NAT8L: variants seen among roughly 807,000 people sequenced by gnomAD.
The protein encoded by NAT8L is aspartate N-acetyltransferase.
Under a neutral mutation model 21.2 loss-of-function variants are expected in NAT8L, and 6 were observed. The ratio of observed to expected loss-of-function variants is 0.28; its 90% confidence interval spans 0.16 to 0.56. The LOEUF is 0.56. Among genes scored for constraint, NAT8L ranks in the 20% least tolerant of loss-of-function variants. The pLI is 0.93. For synonymous variants in NAT8L, 239 were observed against 204.9 expected (o/e 1.17, Z -1.42); for missense variants, 331 against 433.3 (o/e 0.76, Z 2.10).
rs1233537705 is a variant in NAT8L at position 2,060,023 on chromosome 4, C to T, written c.376+136C>T. The T allele has an allele frequency of 7.2e-6, 3 of 416,956 alleles. No individual in the cohort carries two copies. Among genetic ancestry groups the T allele is most frequent in the African/African-American group, 2.1e-5 (1 of 46,644 alleles). 25.8% of individuals were successfully genotyped at this position (416,956 alleles called of 1,614,324 possible). A position where few individuals can be genotyped will look rare whatever the true frequency, so the allele number is the denominator to read the frequency against. ...GCCCCCCGCTTTCTGCCGCGCCGGG[C>T]CCCGCGCAGGGCTGGCTATGGGCGT... On this transcript the variant is annotated intron_variant, in intron 1 of 2. Transcript: ENST00000423729. The surrounding 1 kb of genome is among the most constrained non-coding windows in gnomAD (Gnocchi z 4.7).
Position 2,066,191 on chromosome 4 carries a change from ATCCT to A in NAT8L, c.*2065_*2068del. The stretch of plus-strand genomic sequence containing the variant: ...GACTGCCAGTGTCTCCTTGATATTG[ATCCT>A]AGCAGATCCCCCTCCTGGGGGTTCT... On this transcript the variant is annotated 3_prime_UTR_variant, in exon 3 of 3. Coordinates refer to ENST00000423729, the MANE Select transcript of NAT8L (RefSeq NM_178557.4). 6.6e-6 allele frequency: 1 copy of A among 152,128 alleles called. No individual in the cohort carries two copies. Among genetic ancestry groups the A allele is most frequent in the Admixed American group, 6.5e-5 (1 of 15,280 alleles). The allele number at this position is 152,128 out of a possible 1,614,324, so 9.4% of individuals were successfully genotyped here.
intron 2 of NAT8L, among the ~76,000 whole-genome samples, chr4:2,063,403 C>T (rs1269090360): frequency 2.0e-5 from 3 of 152,258 alleles, no homozygotes; most frequent in Admixed American, 2.0e-4. Flanking sequence ...TGCCCCAGCT[C>T]TTGGTCTCAG....
In NAT8L at chr4:2,065,259, C is replaced by T. The variant is rs1006038693; in HGVS notation, c.*1132C>T. 1 of 152,140 alleles carries T rather than the reference C, an allele frequency of 6.6e-6. No homozygotes were observed. Among genetic ancestry groups the T allele is most frequent in the Non-Finnish European group, 1.5e-5 (1 of 68,054 alleles). 9.4% of individuals were successfully genotyped at this position (152,140 alleles called of 1,614,324 possible). ...TCCTGCCATGGAGCACGCCTCCCAG[C>T]CCTGGCCTGCAGTGTGGGCAGGGTG... On this transcript the variant is annotated 3_prime_UTR_variant, in exon 3 of 3. Transcript: ENST00000423729.
rs952900656 is a variant in NAT8L at position 2,065,072 on chromosome 4, T to C, written c.*945T>C. 2 of 152,572 alleles carry C rather than the reference T, an allele frequency of 1.3e-5. No homozygotes were observed. The highest frequency in any genetic ancestry group is 4.8e-5 in the African/African-American group (2 of 41,466). The allele number at this position is 152,572 out of a possible 1,614,324, so 9.5% of individuals were successfully genotyped here. ...AACCAACACATTTTCTAATAAGTTATTTAGACAGAATAGCACTCTGCATGA... is the reference window on the plus strand; with the variant it reads ...AACCAACACATTTTCTAATAAGTTACTTAGACAGAATAGCACTCTGCATGA... On this transcript the variant is annotated 3_prime_UTR_variant, in exon 3 of 3. Coordinates refer to ENST00000423729, the MANE Select transcript of NAT8L (RefSeq NM_178557.4).
chr4:2,062,598 G>A (rs1729914469), intron 2 of NAT8L, among the ~76,000 whole-genome samples: 1 of 152,082 alleles, frequency 6.6e-6, no homozygotes, highest in Non-Finnish European at 1.5e-5. Flanking sequence ...CTGTGGCGAT[G>A]GCAGCGGTGC....
At chr4:2,063,686 T>G in intron 2 of NAT8L, 74 bp from the exon 3 acceptor site, 5 of 1,598,412 alleles carry the variant, frequency 3.1e-6, no homozygotes, top group Non-Finnish European at 4.2e-6. Context: ...CCAAGGGCCC[T>G]GTCTCACCCC....
Position 2,063,968 on chromosome 4 carries a change from C to A in NAT8L, c.750C>A (p.Ala250=). The change falls in exon 3 of 3, where the codon GCC becomes GCA. Residue 250 remains alanine, a synonymous_variant. Transcript: ENST00000423729. The part of the protein sequence containing the change: ...NYSAVVLGTT[A]VKVAAHKLYE... ...CCGCGGTGGTGCTGGGCACGACGGCCGTCAAGGTGGCCGCCCACAAGCTCT... is the reference window on the plus strand; with the variant it reads ...CCGCGGTGGTGCTGGGCACGACGGCAGTCAAGGTGGCCGCCCACAAGCTCT... 1 of 1,611,646 alleles carries A rather than the reference C, an allele frequency of 6.2e-7. No individual in the cohort carries two copies. Among genetic ancestry groups the A allele is most frequent in the Non-Finnish European group, 8.5e-7 (1 of 1,179,460 alleles).
At position 2,067,686 on chromosome 4, in the gene NAT8L, G is replaced by C. The variant is rs1156496493; in HGVS notation, c.*3559G>C. On this transcript the variant is annotated 3_prime_UTR_variant, in exon 3 of 3. Coordinates refer to ENST00000423729, the MANE Select transcript of NAT8L (RefSeq NM_178557.4). ...CCGAAGGTGGTTGCCCCGCCGGGCA[G>C]GGGGCTGTGTGGGCCCTCGTGGGGC... The C allele has an allele frequency of 4.6e-5, 7 of 152,326 alleles. No homozygotes were observed. The highest frequency in any genetic ancestry group is 1.7e-4 in the African/African-American group (7 of 41,464). 9.4% of individuals were successfully genotyped at this position (152,326 alleles called of 1,614,324 possible).
chr4:2,059,907 G>C lies in NAT8L; in HGVS notation c.376+20G>C. ...TGGCGGGTCAGTGCGCCGGGCCCCC[G>C]GCTGCCGCAGTCCCTCGGGCCGGCG... is the stretch of plus-strand genomic sequence containing the variant. On this transcript the variant is annotated intron_variant, in intron 1 of 2. Transcript: ENST00000423729. The surrounding 1 kb of genome is among the most constrained non-coding windows in gnomAD (Gnocchi z 4.8). 3 of 1,253,102 alleles carry C rather than the reference G, an allele frequency of 2.4e-6. No individual in the cohort carries two copies. The highest frequency in any genetic ancestry group is 3.0e-6 in the Non-Finnish European group (3 of 988,738). 77.6% of individuals were successfully genotyped at this position (1,253,102 alleles called of 1,614,324 possible). A position where few individuals can be genotyped will look rare whatever the true frequency, so the allele number is the denominator to read the frequency against.
Position 2,060,984 on chromosome 4 carries a change from C to T in NAT8L, c.377-14C>T. 1 of 1,472,690 alleles carries T rather than the reference C, an allele frequency of 6.8e-7. No individual in the cohort carries two copies. The highest frequency in any genetic ancestry group is 1.4e-5 in the African/African-American group (1 of 70,606). 91.2% of individuals were successfully genotyped at this position (1,472,690 alleles called of 1,614,324 possible). A position where few individuals can be genotyped will look rare whatever the true frequency, so the allele number is the denominator to read the frequency against. On this transcript the variant is annotated splice_polypyrimidine_tract_variant and intron_variant, in intron 1 of 2. Coordinates refer to ENST00000423729, the MANE Select transcript of NAT8L (RefSeq NM_178557.4). The surrounding 1 kb of genome is among the most constrained non-coding windows in gnomAD (Gnocchi z 4.7). ...ACCCCCGCCGCGCCGCTGACCCGCG[C>T]CCTCTGCCCCCAGCGCTGTGCTTCG... is the stretch of plus-strand genomic sequence containing the variant.
In NAT8L at chr4:2,064,572, G is replaced by T. The variant is rs533071420; in HGVS notation, c.*445G>T. ...GCTGGCCACGGCGCTGCTTTGCTCC[G>T]CGCATGCCGAGGGTGTGGCCCGGCT... is the stretch of plus-strand genomic sequence containing the variant. On this transcript the variant is annotated 3_prime_UTR_variant, in exon 3 of 3. Transcript: ENST00000423729. 1 of 153,570 alleles carries T rather than the reference G, an allele frequency of 6.5e-6. No homozygotes were observed. The highest frequency in any genetic ancestry group is 1.9e-4 in the East Asian group (1 of 5,176). 9.5% of individuals were successfully genotyped at this position (153,570 alleles called of 1,614,324 possible).
At chr4:2,063,041 C>T (rs1053832679) in intron 2 of NAT8L, among the ~76,000 whole-genome samples, 8 of 152,250 alleles carry the variant, frequency 5.3e-5, no homozygotes, top group African/African-American at 1.9e-4. Flanking sequence ...GGCTTCGTGC[C>T]TGACTCGAGG....
In NAT8L at chr4:2,059,710, G is replaced by C. The variant is rs1729814588; in HGVS notation, c.199G>C (p.Ala67Pro). Residue 67 changes from alanine (A) to proline (P), a missense_variant, in exon 1 of 3, where the codon GCG becomes CCG. This residue lies in a region of NAT8L where 199 missense variants were observed against 196.1 expected (regional missense o/e 1.01). Coordinates refer to ENST00000423729, the MANE Select transcript of NAT8L (RefSeq NM_178557.4). This position sits in a 1 kb window ranked among gnomAD's most constrained non-coding sequence, Gnocchi z 4.8. ...CCCGGTGGCTCAGCCTCACGGCGGG[G>C]CGGGGGGCGCGGGGCCGCCGGGGGG... ...PAPVAQPHGG[A>P]GGAGPPGGRG... 1 of 1,106,502 alleles carries C rather than the reference G, an allele frequency of 9.0e-7. No homozygotes were observed. The allele number at this position is 1,106,502 out of a possible 1,614,324, so 68.5% of individuals were successfully genotyped here.
Position 2,061,290 on chromosome 4 carries a change from C to T in NAT8L, c.541+128C>T, listed in dbSNP as rs371574519. On this transcript the variant is annotated intron_variant, in intron 2 of 2. Coordinates refer to ENST00000423729, the MANE Select transcript of NAT8L (RefSeq NM_178557.4). ...TGGGCCTGAGCCGGGGCCCCTGTGACCTGAGCCTTCTGGGTGACCGAGGCC... is the reference window on the plus strand; with the variant it reads ...TGGGCCTGAGCCGGGGCCCCTGTGATCTGAGCCTTCTGGGTGACCGAGGCC... 1.1e-5 allele frequency: 16 copies of T among 1,488,422 alleles called. 1 individual carries two copies. Among genetic ancestry groups the T allele is most frequent in the East Asian group, 1.0e-4 (4 of 40,056 alleles). 92.2% of individuals were successfully genotyped at this position (1,488,422 alleles called of 1,614,324 possible).
chr4:2,063,708 G>A, intron 2 of NAT8L, 52 bp from the exon 3 acceptor site: 2 of 1,602,898 alleles, frequency 1.2e-6, no homozygotes, highest in Non-Finnish European at 1.7e-6. Flanking sequence ...GAGGTGGAGG[G>A]GTCTCCCCAG....
intron 2 of NAT8L, among the ~76,000 whole-genome samples, chr4:2,061,580 T>G (rs1577666675): frequency 1.3e-5 from 2 of 148,702 alleles, no homozygotes; most frequent in African/African-American, 2.5e-5. Context: ...GAGGATGGGG[T>G]GGGGGCAGGG....
At position 2,063,613 on chromosome 4, in the gene NAT8L, C is replaced by T. The variant is rs899062037; in HGVS notation, c.542-147C>T. The T allele has an allele frequency of 3.6e-5, 53 of 1,460,216 alleles. No individual in the cohort carries two copies. The South Asian group carries it at 4.0e-4, about 11-fold the overall frequency. The allele number at this position is 1,460,216 out of a possible 1,614,324, so 90.5% of individuals were successfully genotyped here. ...TCCAGCAGAGCTGGTAGCTAGGCCC[C>T]GGGGGCTGCCGGGATTGGGTGTCCC... On this transcript the variant is annotated intron_variant, in intron 2 of 2. Coordinates refer to ENST00000423729, the MANE Select transcript of NAT8L (RefSeq NM_178557.4).
rs779455204 is a variant in NAT8L at position 2,064,105 on chromosome 4, G to A, written c.887G>A (p.Arg296His). The A allele has an allele frequency of 2.8e-5, 44 of 1,596,560 alleles. No homozygotes were observed. Among genetic ancestry groups the A allele is most frequent in the East Asian group, 6.8e-5 (3 of 44,420 alleles). ...TTCCAGGTCCGCTACCACCGCTACCGCCTGCAGCTGCGCGAGGAGTGACCG... is the reference window on the plus strand; with the variant it reads ...TTCCAGGTCCGCTACCACCGCTACCACCTGCAGCTGCGCGAGGAGTGACCG... Reference protein sequence around the residue: ...LFFQVRYHRYRLQLREE With the variant: ...LFFQVRYHRYHLQLREE Residue 296 changes from arginine (R) to histidine (H), a missense_variant, in exon 3 of 3, where the codon CGC becomes CAC. Transcript: ENST00000423729.
In NAT8L at chr4:2,060,908, G is replaced by C. The variant is rs756200460; in HGVS notation, c.377-90G>C. On this transcript the variant is annotated intron_variant, in intron 1 of 2. Transcript: ENST00000423729. The surrounding 1 kb of genome is among the most constrained non-coding windows in gnomAD (Gnocchi z 4.7). ...GCTCCTCCACCAGGAGCGCGGCCGGGCGCGGCGTCCCTAGCGGGCTTCGCC... is the reference window on the plus strand; with the variant it reads ...GCTCCTCCACCAGGAGCGCGGCCGGCCGCGGCGTCCCTAGCGGGCTTCGCC... The C allele has an allele frequency of 1.3e-4, 74 of 579,526 alleles. No individual in the cohort carries two copies. Among genetic ancestry groups the C allele is most frequent in the Non-Finnish European group, 1.5e-4 (55 of 358,734 alleles). The allele number at this position is 579,526 out of a possible 1,614,324, so 35.9% of individuals were successfully genotyped here.
Sources: gnomAD v4.1 joint callset for allele counts (sites outside exome capture counted in the v4.1 genomes callset) on GRCh38, gnomAD v4.1.1 for gene constraint, gnomAD v4.1.1 regional missense constraint, Gnocchi (gnomAD v3.1) non-coding constraint, MANE v1.5 for transcripts, NCBI Gene and HGNC (gene_info 2026-07-23, HGNC 2026-07-21) for gene names.